Variants in DGLUCY observed in about 807,000 individuals in gnomAD.
DGLUCY encodes the protein D-glutamate cyclase, mitochondrial.
Under a neutral mutation model 58.5 loss-of-function variants are expected in DGLUCY, and 58 were observed. The observed-to-expected ratio is 0.99, with a 90% confidence interval of 0.80 to 1.23. The LOEUF is 1.23. Among genes scored for constraint, DGLUCY ranks in the 50% most tolerant of loss-of-function variants. The pLI is 0.00. For synonymous variants in DGLUCY, 325 were observed against 314.1 expected (o/e 1.03, Z -0.37); for missense variants, 779 against 784.7 (o/e 0.99, Z 0.09).
intron 8 of DGLUCY, 111 bp downstream of exon 8, chr14:91,181,500 G>C: frequency 9.0e-7 from 1 of 1,108,910 alleles, no homozygotes; most frequent in Non-Finnish European, 1.3e-6. Flanking sequence ...TGTATCCACA[G>C]GATGATTTTT....
rs555785711 is a variant in DGLUCY at position 91,218,777 on chromosome 14, T to C, written c.1716+3221T>C. ...CCCCGCCCCTGGGCCAGGCCCAGGCTTGCTCTAGGGGACAATGAGGAGTCA... is the reference window on the plus strand; with the variant it reads ...CCCCGCCCCTGGGCCAGGCCCAGGCCTGCTCTAGGGGACAATGAGGAGTCA... On this transcript the variant is annotated intron_variant, in intron 13 of 13. Coordinates refer to ENST00000256324, the MANE Select transcript of DGLUCY (RefSeq NM_001102368.3). Among the ~76,000 whole-genome samples, 26 of 152,220 alleles carry C rather than the reference T, an allele frequency of 1.7e-4. 1 individual carries two copies. The East Asian group carries it at 5.0e-3, about 29-fold the overall frequency.
intron 1 of DGLUCY, chr14:91,128,970 A>C: frequency 6.6e-6 from 1 of 152,044 alleles, no homozygotes; most frequent in Non-Finnish European, 1.5e-5. Context: ...TTCTGAAAGA[A>C]AAAAAATGCT....
At chr14:91,106,598 G>A (rs1222033163), upstream of DGLUCY, among the ~76,000 whole-genome samples, 1 of 151,456 alleles carries the variant, frequency 6.6e-6, no homozygotes, top group African/African-American at 2.4e-5. Context: ...TCCCAGCTAC[G>A]CGGGAGGCTG....
intron 5 of DGLUCY, 63 bp from the exon 6 acceptor site, chr14:91,173,226 C>T (rs1351081230): frequency 2.1e-5 from 34 of 1,584,782 alleles, no homozygotes; most frequent in Non-Finnish European, 2.8e-5. Flanking sequence ...GTGCTCAGAG[C>T]TTGGATCTGT....
chr14:91,157,123 A>ATGGATGGATGGATGGG (rs2047676479), intron 1 of DGLUCY, among the ~76,000 whole-genome samples: 2 of 117,874 alleles, frequency 1.7e-5, no homozygotes, highest in South Asian at 2.7e-4. Context: ...GGATGGGTGG[A>ATGGATGGATGGATGGG]TGGATGGATG....
chr14:91,220,380 A>C, intron 13 of DGLUCY: 1 of 418,672 alleles, frequency 2.4e-6, no homozygotes, highest in Non-Finnish European at 4.9e-6. Flanking sequence ...ATAAATGCCA[A>C]CCGTCATTAT....
At chr14:91,157,349 A>G (rs1262617752) in intron 1 of DGLUCY, among the ~76,000 whole-genome samples, 1 of 152,168 alleles carries the variant, frequency 6.6e-6, no homozygotes, top group East Asian at 1.9e-4. Context: ...ATAGATTCAT[A>G]CATATAGAAA....
chr14:91,218,760 CT>C (rs1269531330), intron 13 of DGLUCY, among the ~76,000 whole-genome samples: 1 of 152,170 alleles, frequency 6.6e-6, no homozygotes, highest in Non-Finnish European at 1.5e-5. Context: ...AGCCCCGCCC[CT>C]GGGCCAGGCC....
intron 3 of DGLUCY, among the ~76,000 whole-genome samples, chr14:91,165,022 T>C (rs2048199032): frequency 6.6e-6 from 1 of 152,180 alleles, no homozygotes; most frequent in Non-Finnish European, 1.5e-5. Flanking sequence ...TGGTGTTCTG[T>C]TGTATTGTGG....
upstream of DGLUCY, among the ~76,000 whole-genome samples, chr14:91,110,143 C>G (rs935467691): frequency 3.9e-5 from 6 of 152,338 alleles, no homozygotes; most frequent in African/African-American, 1.4e-4. Flanking sequence ...AATTGCTTCT[C>G]TTCCCAAGCA....
chr14:91,207,173 A>AAAAAAAAAC (rs1884874541), intron 12 of DGLUCY, among the ~76,000 whole-genome samples: 1 of 151,358 alleles, frequency 6.6e-6, no homozygotes, highest in East Asian at 1.9e-4. Flanking sequence ...AAAAAAAAAA[A>AAAAAAAAAC]AAAAGAGGAA....
At chr14:91,070,163 G>A (rs1022525731) in intron 1 of DGLUCY, among the ~76,000 whole-genome samples, 1 of 152,118 alleles carries the variant, frequency 6.6e-6, no homozygotes, top group African/African-American at 2.4e-5. Context: ...AGTAGGGAGG[G>A]TCAAAATTAG....
intron 1 of DGLUCY, among the ~76,000 whole-genome samples, chr14:91,142,840 A>AACACACACACACACACACACAC (rs558892923): frequency 5.6e-5 from 7 of 124,302 alleles, no homozygotes; most frequent in African/African-American, 2.1e-4. Context: ...ATCTCTACTA[A>AACACACACACACACACACACAC]ACACACACAC....
intron 1 of DGLUCY, among the ~76,000 whole-genome samples, chr14:91,101,006 G>A (rs977393087): frequency 1.3e-5 from 2 of 152,104 alleles, no homozygotes; most frequent in Admixed American, 6.6e-5. Context: ...GTGAGGCAGA[G>A]GTTGCAGTGA....
chr14:91,062,649 A>G (rs751252942), intron 1 of DGLUCY, among the ~76,000 whole-genome samples: 25 of 137,254 alleles, frequency 1.8e-4, no homozygotes, highest in Non-Finnish European at 3.1e-4. Flanking sequence ...AAAACAGGCA[A>G]TGAGCCAGAT....
chr14:91,060,526 A>G (rs1018420333), exon 1 of DGLUCY: 1 of 1,232,614 alleles, frequency 8.1e-7, no homozygotes, highest in Admixed American at 4.3e-5. Context: ...CCGCGGCCCC[A>G]GGAGTCGGGG....
intron 5 of DGLUCY, among the ~76,000 whole-genome samples, chr14:91,172,653 T>C (rs557830765): frequency 1.3e-5 from 2 of 152,250 alleles, no homozygotes; most frequent in South Asian, 4.2e-4. Flanking sequence ...TTTTCCTTTT[T>C]TTTTTTTCTT....
At chr14:91,142,987 G>C (rs2046804339) in intron 1 of DGLUCY, among the ~76,000 whole-genome samples, 1 of 133,120 alleles carries the variant, frequency 7.5e-6, no homozygotes, top group Non-Finnish European at 1.5e-5. Context: ...CCGAGATCGT[G>C]CTACTGCACT....
chr14:91,093,235 G>A (rs925176655), intron 1 of DGLUCY, among the ~76,000 whole-genome samples: 63 of 152,216 alleles, frequency 4.1e-4, no homozygotes, highest in African/African-American at 1.5e-3. Flanking sequence ...CTAGTTGCTA[G>A]GTGCTTTTGG....
Sources: allele counts gnomAD v4.1 joint callset (sites outside exome capture counted in the v4.1 genomes callset), GRCh38; gene constraint gnomAD v4.1.1; transcripts MANE v1.5; gene names NCBI Gene and HGNC (gene_info 2026-07-23, HGNC 2026-07-21).